Variants in DENND3 observed in about 807,000 individuals in gnomAD.
DENND3 encodes the protein DENN domain containing 3, also known as DENN domain-containing protein 3.
Under a neutral mutation model 135.1 loss-of-function variants are expected in DENND3, and 88 were observed. The ratio of observed to expected loss-of-function variants is 0.65; its 90% CI spans 0.55 to 0.78. The LOEUF is 0.78. Among genes scored for constraint, DENND3 ranks in the 30% least tolerant of loss-of-function variants. DENND3 has a pLI of 0.00. For synonymous variants in DENND3, 693 were observed against 712.3 expected, an observed-to-expected ratio of 0.97 and a Z score of 0.43; for missense variants, 1,392 against 1,688.4, an observed-to-expected ratio of 0.82 and a Z score of 3.08.
rs1346572729 is a variant in DENND3, at chr8:141,188,977, T to A, written c.3085-9T>A. On this transcript the variant is annotated splice_polypyrimidine_tract_variant and intron_variant, in intron 18 of 22. Transcript: ENST00000519811. Reference sequence around the variant, plus strand: ...ACTGATTTCTCACGTTCCCGTGGCCTCCTGTTAGAACTGCATGGTGATGGC... The same window carrying A: ...ACTGATTTCTCACGTTCCCGTGGCCACCTGTTAGAACTGCATGGTGATGGC... The A allele has an allele frequency of 8.1e-6, 13 of 1,609,142 alleles. No individual in the cohort carries two copies. The highest frequency in any genetic ancestry group is 1.1e-5 in the Non-Finnish European group (13 of 1,178,058).
intron 9 of DENND3, among the ~76,000 whole-genome samples, chr8:141,162,886 C>A (rs867010233): frequency 1.6e-4 from 24 of 152,340 alleles, no homozygotes; most frequent in Middle Eastern, 3.4e-3. Context: ...TGCACTCCAG[C>A]CTGGGCCATA....
At chr8:141,153,486 A>G (rs1032048682) in intron 7 of DENND3, among the ~76,000 whole-genome samples, 3 of 152,222 alleles carry the variant, frequency 2.0e-5, no homozygotes. Context: ...CCAGCTTCGC[A>G]GTCACCCCCA....
In DENND3 at chr8:141,167,859, G is replaced by T. The variant is rs1821009362; in HGVS notation, c.1754-145G>T. ...TCATGCCTCCCAGGGGGGTGGGTGT[G>T]TGGAGCTTTCTGGAGGGAGCACACC... On this transcript the variant is annotated intron_variant, in intron 12 of 22. Coordinates refer to ENST00000519811, the MANE Select transcript of DENND3 (RefSeq NM_001352890.3). This position sits in a 1 kb window ranked among gnomAD's most constrained non-coding sequence, Gnocchi z 4.1. The T allele has an allele frequency of 1.7e-6, 2 of 1,183,760 alleles. No homozygotes were observed. The highest frequency in any genetic ancestry group is 2.4e-5 in the East Asian group (1 of 41,678). The allele number at this position is 1,183,760 out of a possible 1,614,324, so 73.3% of individuals were successfully genotyped here. A position where few individuals can be genotyped will look rare whatever the true frequency, so the allele number is the denominator to read the frequency against.
intron 7 of DENND3, among the ~76,000 whole-genome samples, chr8:141,152,792 G>A (rs1360485608): frequency 6.6e-6 from 1 of 152,170 alleles, no homozygotes; most frequent in African/African-American, 2.4e-5. Flanking sequence ...TCATAAGGCA[G>A]CTCTTTGTTT....
At position 141,138,677 on chromosome 8, in the gene DENND3, G is replaced by A. The variant is rs561348484; in HGVS notation, c.501+540G>A. Among the ~76,000 whole-genome samples, 8 of 152,084 alleles carry A rather than the reference G, an allele frequency of 5.3e-5. No homozygotes were observed. Among genetic ancestry groups the A allele is most frequent in the South Asian group, 2.1e-4 (1 of 4,824 alleles). ...CTGGGATTACAGGTGTGAGCGCTGC[G>A]CCCGGCCGGCTAATCCCCTTTCTGT... On this transcript the variant is annotated intron_variant, in intron 3 of 22. Coordinates refer to ENST00000519811, the MANE Select transcript of DENND3 (RefSeq NM_001352890.3). The surrounding 1 kb of genome is among the most constrained non-coding windows in gnomAD (Gnocchi z 4.8).
chr8:141,192,353 C>T lies in DENND3; in HGVS notation c.3402C>T (p.Val1134=). The T allele has an allele frequency of 6.2e-7, 1 of 1,614,142 alleles. No individual in the cohort carries two copies. Among genetic ancestry groups the T allele is most frequent in the Non-Finnish European group, 8.5e-7 (1 of 1,180,018 alleles). Residue 1134 remains valine, a synonymous_variant, in exon 21 of 23, where the codon GTC becomes GTT. Coordinates refer to ENST00000519811, the MANE Select transcript of DENND3 (RefSeq NM_001352890.3). The part of the protein sequence containing the change: ...LWCCTGNSIM[V]MKMNGSLHQE... ...CAGGCACAGGTAACAGCATCATGGT[C>T]ATGAAAATGAATGGATCCCTCCATC...
chr8:141,185,757 C>T (rs566087847), intron 18 of DENND3, among the ~76,000 whole-genome samples: 3 of 150,760 alleles, frequency 2.0e-5, no homozygotes, highest in African/African-American at 4.9e-5. Flanking sequence ...CCTGGGAGGT[C>T]GAGGCTGCAG....
At chr8:141,163,512 G>A (rs1820395810) in intron 10 of DENND3, 83 bp downstream of exon 10, 1 of 916,404 alleles carries the variant, frequency 1.1e-6, no homozygotes, top group South Asian at 1.9e-5. Flanking sequence ...CAAAATAAGT[G>A]TTCTCAAGTG....
At chr8:141,172,360 G>C (rs1031638735) in intron 13 of DENND3, among the ~76,000 whole-genome samples, 9 of 152,158 alleles carry the variant, frequency 5.9e-5, no homozygotes, top group African/African-American at 2.2e-4. Flanking sequence ...CAGCTGCGGT[G>C]AGTGTTGCTT....
Position 141,165,222 on chromosome 8 carries a change from G to A in DENND3, c.1486G>A (p.Ala496Thr), listed in dbSNP as rs778262287. 1 of 1,614,152 alleles carries A rather than the reference G, an allele frequency of 6.2e-7. No homozygotes were observed. The highest frequency in any genetic ancestry group is 1.1e-5 in the South Asian group (1 of 91,074). Residue 496 changes from alanine (A) to threonine (T), a missense_variant, in exon 11 of 23, where the codon GCC becomes ACC. Coordinates refer to ENST00000519811, the MANE Select transcript of DENND3 (RefSeq NM_001352890.3). The part of the protein sequence containing the change: ...DTYMFHSFLK[A>T]RLNRRMDAFA... ...CTACATGTTCCATTCTTTTCTTAAA[G>A]CCCGGCTCAATAGGAGGATGGACGC...
chr8:141,193,074 A>C, intron 22 of DENND3: 1 of 353,118 alleles, frequency 2.8e-6, no homozygotes, highest in Non-Finnish European at 5.2e-6. Context: ...TGGACGTGGC[A>C]CTCTAACCTG....
intron 5 of DENND3, among the ~76,000 whole-genome samples, chr8:141,150,115 G>A (rs989484372): frequency 2.0e-5 from 3 of 152,144 alleles, no homozygotes; most frequent in Admixed American, 6.5e-5. Flanking sequence ...CATTACGCTC[G>A]TTTCCTGGAG....
intron 17 of DENND3, among the ~76,000 whole-genome samples, chr8:141,183,582 C>CT (rs373496192): frequency 1.3e-5 from 2 of 151,388 alleles, no homozygotes; most frequent in Non-Finnish European, 3.0e-5. Flanking sequence ...AAAGAAGACA[C>CT]TTTTTTTTTC....
Position 141,182,527 on chromosome 8 carries a change from C to G in DENND3, c.2944+1673C>G. On this transcript the variant is annotated intron_variant, in intron 17 of 22. Coordinates refer to ENST00000519811, the MANE Select transcript of DENND3 (RefSeq NM_001352890.3). The surrounding 1 kb of genome is among the most constrained non-coding windows in gnomAD (Gnocchi z 5.9). ...CGGTTGGTTTCCCTGAAATGAAACTCACTCTGAGCTTCCTGTTGTGACGGG... is the reference window on the plus strand; with the variant it reads ...CGGTTGGTTTCCCTGAAATGAAACTGACTCTGAGCTTCCTGTTGTGACGGG... The G allele has an allele frequency of 1.0e-6, 1 of 979,196 alleles. No individual in the cohort carries two copies. Among genetic ancestry groups the G allele is most frequent in the Non-Finnish European group, 1.2e-6 (1 of 824,382 alleles). The allele number at this position is 979,196 out of a possible 1,614,324, so 60.7% of individuals were successfully genotyped here.
intron 16 of DENND3, among the ~76,000 whole-genome samples, chr8:141,180,498 G>A (rs957109788): frequency 2.0e-5 from 3 of 152,182 alleles, no homozygotes; most frequent in Non-Finnish European, 4.4e-5. Flanking sequence ...GGGCATGGAG[G>A]TGTGGTGTGG....
At position 141,166,900 on chromosome 8, in the gene DENND3, A is replaced by G. The variant is rs1820878389; in HGVS notation, c.1753+511A>G. Among the ~76,000 whole-genome samples, 1 of 152,112 alleles carries G rather than the reference A, an allele frequency of 6.6e-6. No individual in the cohort carries two copies. Among genetic ancestry groups the G allele is most frequent in the Non-Finnish European group, 1.5e-5 (1 of 68,016 alleles). ...GAGATGGGACTGCATGGAGAGGCCA[A>G]GCCCAGCCTCGCGCCTTCTTGGGGA... On this transcript the variant is annotated intron_variant, in intron 12 of 22. Coordinates refer to ENST00000519811, the MANE Select transcript of DENND3 (RefSeq NM_001352890.3). This position sits in a 1 kb window ranked among gnomAD's most constrained non-coding sequence, Gnocchi z 4.3.
chr8:141,188,094 C>CATCAGCCAGGCGTGGTGGCATCAG (rs59619803), intron 18 of DENND3, among the ~76,000 whole-genome samples: 2 of 152,246 alleles, frequency 1.3e-5, no homozygotes, highest in African/African-American at 4.8e-5. Context: ...GGCGTGGTGG[C>CATCAGCCAGGCGTGGTGGCATCAG]CCATGGCTGT....
Position 141,138,019 on chromosome 8 carries a change from C to A in DENND3, c.386-3C>A. ...ATTCTTCTCTGTCTCTTTCTGCCTG[C>A]AGGGGGTGTGTGCGTGGCCACTGAA... On this transcript the variant is annotated splice_region_variant and splice_polypyrimidine_tract_variant and intron_variant, in intron 2 of 22. Transcript: ENST00000519811. This position sits in a 1 kb window ranked among gnomAD's most constrained non-coding sequence, Gnocchi z 4.8. 6.3e-7 allele frequency: 1 copy of A among 1,592,042 alleles called. No individual in the cohort carries two copies. The highest frequency in any genetic ancestry group is 8.6e-7 in the Non-Finnish European group (1 of 1,167,904).
intron 20 of DENND3, among the ~76,000 whole-genome samples, chr8:141,190,872 C>T (rs1373937714): frequency 2.6e-5 from 4 of 152,226 alleles, no homozygotes; most frequent in Non-Finnish European, 5.9e-5. Flanking sequence ...CTCCGTGGAC[C>T]CAGACTGGGG....
Sources: gnomAD v4.1 joint callset for allele counts (sites outside exome capture counted in the v4.1 genomes callset) on GRCh38, gnomAD v4.1.1 for gene constraint, Gnocchi (gnomAD v3.1) non-coding constraint, MANE v1.5 for transcripts, NCBI Gene and HGNC (gene_info 2026-07-23, HGNC 2026-07-21) for gene names.